The following UACA variants were observed in gnomAD, a reference collection of about 807,000 sequenced individuals.
UACA encodes uveal autoantigen with coiled-coil domains and ankyrin repeats, also known as nuclear membrane binding protein.
Under a neutral mutation model 160.5 loss-of-function variants are expected in UACA, and 112 were observed. That is an observed-to-expected ratio of 0.70 (90% CI 0.60 to 0.82). The LOEUF (loss-of-function observed/expected upper bound fraction) is 0.82, where lower values mean the gene tolerates loss of function less well. Ranked by LOEUF, UACA falls within the 40% of genes least tolerant of loss-of-function variation. The pLI, the probability that UACA is intolerant of heterozygous loss-of-function variation, is 0.00. For synonymous variants in UACA, 557 were observed against 568.4 expected (o/e 0.98, Z 0.29); for missense variants, 1,574 against 1,614.6 (o/e 0.97, Z 0.43).
intron 1 of UACA, among the ~76,000 whole-genome samples, chr15:70,740,174 CATAA>C (rs1326658680): frequency 1.2e-5 from 1 of 81,152 alleles, no homozygotes; most frequent in Non-Finnish European, 3.9e-5. Context: ...ACTTTAAATA[CATAA>C]GAAATACTGT....
chr15:70,676,375 A>G, intron 13 of UACA, 118 bp downstream of exon 13: 1 of 742,820 alleles, frequency 1.3e-6, no homozygotes, highest in Admixed American at 3.0e-5. Context: ...AAGACTTTAA[A>G]TAAGCAGCCC....
chr15:70,714,701 C>A (rs563578111), intron 1 of UACA, among the ~76,000 whole-genome samples: 8 of 152,230 alleles, frequency 5.3e-5, no homozygotes, highest in Non-Finnish European at 7.4e-5. Context: ...GTCAGAAAGA[C>A]TCAGAAACCA....
At chr15:70,687,461 A>C in intron 7 of UACA, 79 bp downstream of exon 7, 1 of 1,358,450 alleles carries the variant, frequency 7.4e-7, no homozygotes, top group South Asian at 1.2e-5. Context: ...CAAGTCAGAG[A>C]ACAGAGCTGC....
intron 1 of UACA, among the ~76,000 whole-genome samples, chr15:70,760,739 G>A (rs2030701001): frequency 6.6e-6 from 1 of 151,590 alleles, no homozygotes; most frequent in Non-Finnish European, 1.5e-5. Context: ...CCTGGGAGGC[G>A]GAGGTTGCAA....
At chr15:70,703,231 T>C (rs1180147740) in intron 1 of UACA, 12 of 1,288,416 alleles carry the variant, frequency 9.3e-6, no homozygotes, top group Non-Finnish European at 1.1e-5. Flanking sequence ...AGCATGAGAA[T>C]AATTTACACT....
At chr15:70,676,349 A>G in intron 13 of UACA, 144 bp downstream of exon 13, 1 of 580,314 alleles carries the variant, frequency 1.7e-6, no homozygotes, top group Non-Finnish European at 2.9e-6. Context: ...GTTTTGCCAA[A>G]GAGGCAACAA....
At chr15:70,678,035 T>C in intron 11 of UACA, 64 bp downstream of exon 11, 1 of 1,236,974 alleles carries the variant, frequency 8.1e-7, no homozygotes. Context: ...TTTAGCACAA[T>C]CATTAACAAT....
At chr15:70,724,174 C>G (rs1370737339) in intron 1 of UACA, among the ~76,000 whole-genome samples, 1 of 152,210 alleles carries the variant, frequency 6.6e-6, no homozygotes, top group Non-Finnish European at 1.5e-5. Flanking sequence ...ACTTAAGTAT[C>G]TGTTGAGCAA....
chr15:70,755,045 A>G (rs1435381082), intron 1 of UACA, among the ~76,000 whole-genome samples: 6 of 152,224 alleles, frequency 3.9e-5, no homozygotes, highest in Admixed American at 3.9e-4. Flanking sequence ...TGTATCCTTT[A>G]GGTGGCAGGA....
chr15:70,702,992 GA>G (rs562333785), intron 1 of UACA: 973 of 667,024 alleles, frequency 1.5e-3, no homozygotes, highest in South Asian at 1.7e-3. Context: ...TTCACTGGAT[GA>G]AAAAAAAAAC....
chr15:70,682,852 C>T (rs1176655125), intron 8 of UACA, 57 bp from the exon 9 acceptor site: 15 of 1,211,092 alleles, frequency 1.2e-5, no homozygotes, highest in South Asian at 3.0e-5. Context: ...GGGGTAGGTA[C>T]GCATTCCCTA....
chr15:70,744,753 T>C (rs780706461), intron 1 of UACA, among the ~76,000 whole-genome samples: 22 of 152,200 alleles, frequency 1.4e-4, no homozygotes, highest in Non-Finnish European at 2.2e-4. Context: ...ACAACTTATA[T>C]AATGGCAAAT....
chr15:70,723,790 AC>A (rs1199057440), intron 1 of UACA, among the ~76,000 whole-genome samples: 1 of 151,742 alleles, frequency 6.6e-6, no homozygotes, highest in Non-Finnish European at 1.5e-5. Flanking sequence ...CTGCCACCAC[AC>A]CCGGCTAATT....
intron 7 of UACA, among the ~76,000 whole-genome samples, chr15:70,685,946 T>C (rs1243243913): frequency 2.6e-5 from 4 of 152,088 alleles, no homozygotes; most frequent in African/African-American, 9.7e-5. Flanking sequence ...AGCTAATTTT[T>C]GTATTTTTGG....
intron 1 of UACA, among the ~76,000 whole-genome samples, chr15:70,724,950 G>C (rs1054290482): frequency 4.0e-5 from 6 of 151,892 alleles, no homozygotes; most frequent in Admixed American, 6.6e-5. Context: ...AACTAGCCAG[G>C]TATGGTGGCA....
chr15:70,740,978 G>T (rs2141002209), intron 1 of UACA, among the ~76,000 whole-genome samples: 1 of 152,034 alleles, frequency 6.6e-6, no homozygotes, highest in South Asian at 2.1e-4. Flanking sequence ...GGCAGAGGTT[G>T]CAGTGAGCCA....
chr15:70,678,257 T>C, intron 10 of UACA, 51 bp from the exon 11 acceptor site: 1 of 1,384,454 alleles, frequency 7.2e-7, no homozygotes, highest in Non-Finnish European at 9.9e-7. Flanking sequence ...AAGAGCAAAT[T>C]CTTAAAGGAG....
In UACA at chr15:70,682,816, G is replaced by C. The variant is rs771009901; in HGVS notation, c.785-21C>G. On this transcript the variant is annotated intron_variant, in intron 8 of 18. Coordinates refer to ENST00000322954, the MANE Select transcript of UACA (RefSeq NM_018003.4). Reference sequence around the variant, plus strand: ...TCTCCCTAAGATTTAGAGAAAAAGAGAAACAACAAAATGGCAGGTTAACTT... The same window carrying C: ...TCTCCCTAAGATTTAGAGAAAAAGACAAACAACAAAATGGCAGGTTAACTT... 3 of 1,549,620 alleles carry C rather than the reference G, an allele frequency of 1.9e-6. No individual in the cohort carries two copies. In the South Asian group the frequency reaches 3.9e-5, roughly 20 times the overall value.
chr15:70,712,088 ATTC>A (rs1898701540), intron 1 of UACA, among the ~76,000 whole-genome samples: 1 of 150,298 alleles, frequency 6.7e-6, no homozygotes, highest in Non-Finnish European at 1.5e-5. Context: ...CTTCTTCATG[ATTC>A]TTCTTGAGTG....
Sources: gnomAD v4.1 joint callset for allele counts (sites outside exome capture counted in the v4.1 genomes callset) on GRCh38, gnomAD v4.1.1 for gene constraint, MANE v1.5 for transcripts, NCBI Gene and HGNC (gene_info 2026-07-23, HGNC 2026-07-21) for gene names.